Variants in HCRTR2 observed in about 807,000 individuals in gnomAD.
HCRTR2 encodes orexin receptor type 2.
HCRTR2 carries 22 observed loss-of-function variants against 49.0 expected under a neutral mutation model. The ratio of observed to expected loss-of-function variants is 0.45; its 90% CI spans 0.32 to 0.64. The LOEUF (loss-of-function observed/expected upper bound fraction) is 0.64. Ranked by LOEUF, HCRTR2 falls within the 30% of genes least tolerant of loss-of-function variation. The pLI is 0.04. For missense variants in HCRTR2, 491 were observed against 559.4 expected (o/e 0.88, Z 1.23); for synonymous variants, 236 against 205.3 (o/e 1.15, Z -1.28).
chr6:55,188,753 A>G (rs1765267309), intron 1 of HCRTR2, among the ~76,000 whole-genome samples: 1 of 152,224 alleles, frequency 6.6e-6, no homozygotes, highest in Non-Finnish European at 1.5e-5. Context: ...ACTAACATGT[A>G]AACAATAAAC....
chr6:55,128,000 T>G (rs1376029121), intron 1 of HCRTR2, among the ~76,000 whole-genome samples: 1 of 152,194 alleles, frequency 6.6e-6, no homozygotes, highest in Non-Finnish European at 1.5e-5. Context: ...CTTTGCCTAT[T>G]CCTATGCCCT....
chr6:55,274,701 C>A (rs992564601), intron 4 of HCRTR2, among the ~76,000 whole-genome samples: 1 of 152,032 alleles, frequency 6.6e-6, no homozygotes, highest in Non-Finnish European at 1.5e-5. Flanking sequence ...TCTGATTGAG[C>A]AAATGGTATT....
At chr6:55,159,040 A>G (rs1764768469) in intron 1 of HCRTR2, among the ~76,000 whole-genome samples, 1 of 152,224 alleles carries the variant, frequency 6.6e-6, no homozygotes, top group South Asian at 2.1e-4. Context: ...GTCGACAGAC[A>G]CCTCATACAG....
At chr6:55,145,453 T>C (rs926498272) in intron 1 of HCRTR2, among the ~76,000 whole-genome samples, 62 of 150,256 alleles carry the variant, frequency 4.1e-4, no homozygotes, top group African/African-American at 1.3e-3. Context: ...CTCAGTCGCC[T>C]AGGCTGGAGT....
chr6:55,229,482 C>T (rs1766073632), intron 1 of HCRTR2, among the ~76,000 whole-genome samples: 1 of 152,112 alleles, frequency 6.6e-6, no homozygotes, highest in South Asian at 2.1e-4. Flanking sequence ...ACAAAACAAC[C>T]TAAATGTCCA....
upstream of HCRTR2, among the ~76,000 whole-genome samples, chr6:55,170,076 T>A (rs1764927455): frequency 6.6e-6 from 1 of 151,930 alleles, no homozygotes; most frequent in Non-Finnish European, 1.5e-5. Context: ...GTTTGAGATT[T>A]ATTTTTCCGT....
chr6:55,219,732 G>A (rs1285407208), intron 1 of HCRTR2, among the ~76,000 whole-genome samples: 1 of 151,352 alleles, frequency 6.6e-6, no homozygotes, highest in Non-Finnish European at 1.5e-5. Flanking sequence ...ATAGAAAGTA[G>A]AAAATTACTA....
chr6:55,196,018 T>C (rs1765403268), intron 1 of HCRTR2, among the ~76,000 whole-genome samples: 1 of 152,118 alleles, frequency 6.6e-6, no homozygotes, highest in Admixed American at 6.5e-5. Flanking sequence ...ACAGTATTCA[T>C]AATAATTAAA....
intron 1 of HCRTR2, among the ~76,000 whole-genome samples, chr6:55,124,654 C>G (rs1032727724): frequency 2.6e-5 from 4 of 152,104 alleles, no homozygotes; most frequent in Admixed American, 1.3e-4. Context: ...AGTTCAAGTC[C>G]TGAATATCCC....
chr6:55,124,909 C>A (rs1268753836), intron 1 of HCRTR2, among the ~76,000 whole-genome samples: 1 of 150,218 alleles, frequency 6.7e-6, no homozygotes, highest in Non-Finnish European at 1.5e-5. Flanking sequence ...TCTGTTTTAC[C>A]AGAGATTAGG....
chr6:55,280,946 T>C (rs1767178675), intron 6 of HCRTR2, among the ~76,000 whole-genome samples: 1 of 152,182 alleles, frequency 6.6e-6, no homozygotes, highest in African/African-American at 2.4e-5. Context: ...AAATAACACA[T>C]AAGTTAAATG....
downstream of HCRTR2, among the ~76,000 whole-genome samples, chr6:55,283,691 A>T (rs1018703866): frequency 2.0e-5 from 3 of 151,924 alleles, no homozygotes; most frequent in Admixed American, 2.0e-4. Context: ...TTTATGAAAG[A>T]TGATTTTCAT....
intron 1 of HCRTR2, among the ~76,000 whole-genome samples, chr6:55,133,919 A>G (rs1326931780): frequency 1.3e-5 from 2 of 151,864 alleles, no homozygotes; most frequent in East Asian, 3.8e-4. Context: ...AAAAGTGGTT[A>G]TTACAAACAG....
intron 4 of HCRTR2, among the ~76,000 whole-genome samples, chr6:55,277,006 T>C (rs987162514): frequency 6.6e-6 from 1 of 152,206 alleles, no homozygotes; most frequent in African/African-American, 2.4e-5. Flanking sequence ...GGTTTTCCTC[T>C]GCTTTAAACT....
At chr6:55,254,390 G>A (rs540517588) in intron 2 of HCRTR2, among the ~76,000 whole-genome samples, 1 of 151,986 alleles carries the variant, frequency 6.6e-6, no homozygotes, top group Non-Finnish European at 1.5e-5. Flanking sequence ...AAAATTTTTT[G>A]TTGTTGTTAT....
At chr6:55,199,148 T>G (rs963380006) in intron 1 of HCRTR2, among the ~76,000 whole-genome samples, 6 of 152,086 alleles carry the variant, frequency 3.9e-5, no homozygotes, top group Admixed American at 3.3e-4. Context: ...GAATGAGAAA[T>G]GGGTATTGTA....
chr6:55,127,623 T>C (rs566896944), intron 1 of HCRTR2, among the ~76,000 whole-genome samples: 1 of 152,284 alleles, frequency 6.6e-6, no homozygotes, highest in East Asian at 1.9e-4. Context: ...TTTGATTCCT[T>C]CCTTAATTGT....
intron 1 of HCRTR2, among the ~76,000 whole-genome samples, chr6:55,226,775 G>A (rs1194868899): frequency 2.2e-5 from 3 of 134,114 alleles, no homozygotes; most frequent in Non-Finnish European, 4.6e-5. Context: ...CTGGAGTGCA[G>A]TGGTGAGATC....
chr6:55,188,787 G>A (rs1287911874), intron 1 of HCRTR2, among the ~76,000 whole-genome samples: 1 of 152,170 alleles, frequency 6.6e-6, no homozygotes, highest in Admixed American at 6.5e-5. Context: ...TTACTGAAGA[G>A]GCATATGCTA....
Sources: gnomAD v4.1 joint callset for allele counts (sites outside exome capture counted in the v4.1 genomes callset) on GRCh38, gnomAD v4.1.1 for gene constraint, MANE v1.5 for transcripts, NCBI Gene and HGNC (gene_info 2026-07-23, HGNC 2026-07-21) for gene names.